Variants in VPS13C observed in about 807,000 individuals in gnomAD.
The protein encoded by VPS13C is intermembrane lipid transfer protein VPS13C.
In VPS13C, 358 loss-of-function variants were observed where a neutral mutation model predicts 456.8. The observed-to-expected ratio is 0.78, with a 90% confidence interval of 0.72 to 0.86. VPS13C has a LOEUF of 0.86. VPS13C is among the 40% of genes least tolerant of loss of function. The pLI, the probability that VPS13C is intolerant of heterozygous loss-of-function variation, is 0.00. For missense variants in VPS13C, 4,818 were observed against 4,385.4 expected (o/e 1.10, Z -2.79); for synonymous variants, 1,578 against 1,486.7 (o/e 1.06, Z -1.41).
At chr15:62,002,152 C>T (rs1223555970) in intron 15 of VPS13C, among the ~76,000 whole-genome samples, 1 of 152,210 alleles carries the variant, frequency 6.6e-6, no homozygotes, top group South Asian at 2.1e-4. Context: ...AAAGGTGTTC[C>T]TATTTCTCCA....
At chr15:61,927,539 C>T (rs1467569809) in intron 51 of VPS13C, among the ~76,000 whole-genome samples, 2 of 152,082 alleles carry the variant, frequency 1.3e-5, no homozygotes, top group African/African-American at 4.8e-5. Flanking sequence ...CCAAGAATAC[C>T]ATTACCACTT....
At chr15:61,868,442 C>T (rs970539408) in intron 81 of VPS13C, among the ~76,000 whole-genome samples, 1 of 150,886 alleles carries the variant, frequency 6.6e-6, no homozygotes, top group Non-Finnish European at 1.5e-5. Flanking sequence ...CTTTTCTGCA[C>T]ACAAAAAAAA....
chr15:62,041,459 A>G (rs2048239030), intron 2 of VPS13C, 93 bp from the exon 3 acceptor site: 1 of 1,270,396 alleles, frequency 7.9e-7, no homozygotes, highest in Admixed American at 2.5e-5. Context: ...CACATGTCCA[A>G]AGAAAAACAA....
At chr15:61,913,535 A>T (rs2043366222) in intron 61 of VPS13C, 120 bp from the exon 62 acceptor site, 1 of 758,248 alleles carries the variant, frequency 1.3e-6, no homozygotes, top group Middle Eastern at 3.1e-4. Flanking sequence ...AGAAATATAT[A>T]ATCAAAGCCA....
At chr15:61,918,882 A>T (rs1166879544) in intron 58 of VPS13C, among the ~76,000 whole-genome samples, 1 of 152,124 alleles carries the variant, frequency 6.6e-6, no homozygotes, top group Non-Finnish European at 1.5e-5. Context: ...TTTCAGAGGG[A>T]TAGATCATTC....
intron 23 of VPS13C, among the ~76,000 whole-genome samples, chr15:61,977,515 C>A (rs1311413616): frequency 6.6e-6 from 1 of 151,750 alleles, no homozygotes; most frequent in South Asian, 2.1e-4. Context: ...TACCTCAATT[C>A]CAGAATTAGT....
intron 81 of VPS13C, 129 bp downstream of exon 81, chr15:61,868,530 A>G (rs1439335375): frequency 2.6e-6 from 2 of 755,150 alleles, no homozygotes. Flanking sequence ...ATCAAATTCT[A>G]CTCTAGAAAC....
At chr15:61,928,824 C>T (rs1012299100) in intron 51 of VPS13C, among the ~76,000 whole-genome samples, 1 of 151,188 alleles carries the variant, frequency 6.6e-6, no homozygotes, top group Non-Finnish European at 1.5e-5. Context: ...GTGAAAATTA[C>T]AGTAAGCCAA....
At chr15:61,971,123 A>G (rs1160439206) in intron 27 of VPS13C, among the ~76,000 whole-genome samples, 1 of 152,220 alleles carries the variant, frequency 6.6e-6, no homozygotes, top group Admixed American at 6.5e-5. Flanking sequence ...AGAACTGGCC[A>G]GTCATATGAG....
chr15:62,034,615 C>T (rs1191042578), intron 4 of VPS13C, among the ~76,000 whole-genome samples: 4 of 151,600 alleles, frequency 2.6e-5, no homozygotes, highest in Non-Finnish European at 4.4e-5. Context: ...GAGATTAACA[C>T]ATCAGGATAT....
chr15:62,038,853 T>C (rs2048149695), intron 3 of VPS13C, among the ~76,000 whole-genome samples: 1 of 152,098 alleles, frequency 6.6e-6, no homozygotes, highest in African/African-American at 2.4e-5. Flanking sequence ...GAAAAAATGT[T>C]CAACATAACT....
At chr15:61,959,379 G>T in intron 36 of VPS13C, 69 bp downstream of exon 36, 1 of 1,381,404 alleles carries the variant, frequency 7.2e-7, no homozygotes, top group Non-Finnish European at 9.7e-7. Flanking sequence ...ATTTCATTTG[G>T]ATTTCTGCTA....
chr15:61,931,957 G>T (rs1475698037), intron 49 of VPS13C, among the ~76,000 whole-genome samples: 1 of 152,088 alleles, frequency 6.6e-6, no homozygotes, highest in Non-Finnish European at 1.5e-5. Flanking sequence ...AAAGAGTAAG[G>T]CATGGTAGAT....
At chr15:61,870,236 C>A (rs576231565) in intron 79 of VPS13C, among the ~76,000 whole-genome samples, 2 of 152,000 alleles carry the variant, frequency 1.3e-5, no homozygotes, top group Non-Finnish European at 2.9e-5. Context: ...CTATTTCCCC[C>A]AGCCTCTCCC....
At chr15:61,897,057 A>G (rs1237554004) in intron 66 of VPS13C, among the ~76,000 whole-genome samples, 4 of 152,208 alleles carry the variant, frequency 2.6e-5, no homozygotes, top group African/African-American at 9.6e-5. Context: ...TGTTAGAAGG[A>G]AAACTAACAA....
chr15:62,052,449 G>T (rs755752223), intron 1 of VPS13C, among the ~76,000 whole-genome samples: 6 of 152,054 alleles, frequency 3.9e-5, no homozygotes, highest in African/African-American at 1.4e-4. Context: ...GCTGAGGCAG[G>T]TGGATCACAA....
chr15:61,962,568 T>C, intron 33 of VPS13C, 30 bp from the exon 34 acceptor site: 7 of 1,575,622 alleles, frequency 4.4e-6, no homozygotes, highest in Non-Finnish European at 6.0e-6. Context: ...ATGTACTCTA[T>C]CCGGGAAGGT....
At chr15:61,854,738 A>G in intron 84 of VPS13C, 133 bp downstream of exon 84, 1 of 992,786 alleles carries the variant, frequency 1.0e-6, no homozygotes, top group Non-Finnish European at 1.5e-6. Flanking sequence ...AGTCCACAGC[A>G]TATTAAGTTT....
Position 61,931,142 on chromosome 15 carries a change from T to C in VPS13C, c.5986A>G (p.Lys1996Glu), listed in dbSNP as rs1280906290. 5 of 1,614,016 alleles carry C rather than the reference T, an allele frequency of 3.1e-6. No homozygotes were observed. In the African/African-American group the frequency reaches 4.0e-5, roughly 13 times the overall value. ...DGSMNVSVKL[K>E]TCTLDDLREG... ...CTGAGATCATCAAGGGTGCATGTCTTAAGTTTAACGCTGACATTCATTGAG... is the reference window on the plus strand; with the variant it reads ...CTGAGATCATCAAGGGTGCATGTCTCAAGTTTAACGCTGACATTCATTGAG... The change falls in exon 50 of 85, where the codon AAG becomes GAG. Residue 1996 changes from lysine (K) to glutamate (E), a missense_variant. Lys to Glu is a moderately conservative substitution (Grantham distance 56, BLOSUM62 1). Around this residue, in one of 3 missense-constraint regions of VPS13C, gnomAD observed 4,552 missense variants for 4,130.6 expected, o/e 1.10. Transcript: ENST00000644861.
Sources: gnomAD v4.1 joint callset for allele counts (sites outside exome capture counted in the v4.1 genomes callset) on GRCh38, gnomAD v4.1.1 for gene constraint, gnomAD v4.1.1 regional missense constraint, MANE v1.5 for transcripts, NCBI Gene and HGNC (gene_info 2026-07-23, HGNC 2026-07-21) for gene names.